The following ZNF407 variants were observed in gnomAD, a reference collection of about 807,000 sequenced individuals.
ZNF407 encodes the protein zinc finger protein 407.
In ZNF407, 17 loss-of-function variants were observed where a neutral mutation model predicts 131.2. The ratio of observed to expected loss-of-function variants is 0.13; its 90% CI spans 0.09 to 0.19. ZNF407 has a LOEUF of 0.19. Among genes scored for constraint, ZNF407 ranks in the 10% least tolerant of loss-of-function variants. The probability of loss-of-function intolerance (pLI) is 1.00; values close to 1 mark genes in which losing one functional copy is unlikely to be tolerated. For missense variants in ZNF407, 2,681 were observed against 2,830.6 expected (o/e 0.95, Z 1.20); for synonymous variants, 1,156 against 1,062.0 (o/e 1.09, Z -1.72).
At chr18:75,033,486 G>A (rs1973270150) in intron 8 of ZNF407, among the ~76,000 whole-genome samples, 1 of 152,194 alleles carries the variant, frequency 6.6e-6, no homozygotes, top group Admixed American at 6.5e-5. Flanking sequence ...AATAGACAGA[G>A]TGGTAACCTA....
intron 1 of ZNF407, among the ~76,000 whole-genome samples, chr18:74,620,542 T>G (rs1983469573): frequency 6.6e-6 from 1 of 152,222 alleles, no homozygotes; most frequent in Non-Finnish European, 1.5e-5. Context: ...ATGTGTGTCC[T>G]CTGGAATAGA....
chr18:74,635,461 A>G lies in ZNF407; in HGVS notation c.4442A>G (p.Glu1481Gly). The G allele has an allele frequency of 6.2e-7, 1 of 1,613,200 alleles. No individual in the cohort carries two copies. Among genetic ancestry groups the G allele is most frequent in the Non-Finnish European group, 8.5e-7 (1 of 1,179,476 alleles). Residue 1481 changes from glutamate (E) to glycine (G), a missense_variant, in exon 2 of 9, where the codon GAG becomes GGG. By Grantham distance (98) the Glu-to-Gly change is moderately conservative. Transcript: ENST00000299687. This position sits in a 1 kb window ranked among gnomAD's most constrained non-coding sequence, Gnocchi z 4.7. ...NEQASVEELP[E>G]GGATFKCVKC... Reference sequence around the variant, plus strand: ...CAGGCCAGTGTGGAGGAGCTTCCGGAGGGAGGGGCCACCTTTAAATGTGTC... The same window carrying G: ...CAGGCCAGTGTGGAGGAGCTTCCGGGGGGAGGGGCCACCTTTAAATGTGTC...
chr18:74,712,007 G>A (rs1001897052), intron 3 of ZNF407, among the ~76,000 whole-genome samples: 12 of 152,118 alleles, frequency 7.9e-5, no homozygotes, highest in African/African-American at 2.2e-4. Context: ...ACTGCCTCCC[G>A]CCCTTATTAG....
chr18:75,029,651 G>A lies in ZNF407; in HGVS notation c.5429-33499G>A, dbSNP rs966188987. On this transcript the variant is annotated intron_variant, in intron 8 of 8. Transcript: ENST00000299687. ...CGTGGGTGTGCGTGCGTGTGCATGC[G>A]CAGGGCATGCGCAGGGGCAGGAAGT... Among the ~76,000 whole-genome samples, 16 of 152,314 alleles carry A rather than the reference G, an allele frequency of 1.1e-4. No individual in the cohort carries two copies. In the East Asian group the frequency reaches 2.5e-3, roughly 24 times the overall value.
chr18:75,045,484 A>T (rs1973424719), intron 8 of ZNF407, among the ~76,000 whole-genome samples: 1 of 152,152 alleles, frequency 6.6e-6, no homozygotes, highest in Non-Finnish European at 1.5e-5. Context: ...TGCCCTGGAA[A>T]TGTGGCTAAA....
At chr18:75,032,824 G>T (rs1429594630) in intron 8 of ZNF407, among the ~76,000 whole-genome samples, 1 of 138,556 alleles carries the variant, frequency 7.2e-6, no homozygotes, top group African/African-American at 2.8e-5. Context: ...GGGGAAGACA[G>T]TATTAGATAA....
At chr18:74,639,353 T>A (rs992362827) in intron 2 of ZNF407, among the ~76,000 whole-genome samples, 12 of 152,228 alleles carry the variant, frequency 7.9e-5, no homozygotes, top group African/African-American at 2.7e-4. Flanking sequence ...ATATTATTGT[T>A]ACTTAATAAT....
intron 3 of ZNF407, among the ~76,000 whole-genome samples, chr18:74,688,603 C>G (rs941429490): frequency 2.6e-4 from 39 of 152,146 alleles, no homozygotes; most frequent in African/African-American, 9.2e-4. Flanking sequence ...TTGTCAAATT[C>G]AAGATCTCAT....
intron 1 of ZNF407, among the ~76,000 whole-genome samples, chr18:74,625,690 A>G (rs889844515): frequency 1.2e-4 from 18 of 152,382 alleles, no homozygotes; most frequent in African/African-American, 4.1e-4. Flanking sequence ...TCATTATCAC[A>G]TAACTTCACC....
At chr18:74,714,258 C>G (rs1008604897) in intron 3 of ZNF407, among the ~76,000 whole-genome samples, 2 of 152,188 alleles carry the variant, frequency 1.3e-5, no homozygotes. Context: ...CATAGCTCAG[C>G]AAAGTCACTT....
chr18:74,928,832 C>T (rs886431892), intron 8 of ZNF407, among the ~76,000 whole-genome samples: 3 of 151,984 alleles, frequency 2.0e-5, no homozygotes, highest in Non-Finnish European at 2.9e-5. Context: ...TCCCTTTGGC[C>T]GAGAAGGGGA....
chr18:75,035,802 T>C (rs1973301432), intron 8 of ZNF407, among the ~76,000 whole-genome samples: 1 of 152,210 alleles, frequency 6.6e-6, no homozygotes, highest in African/African-American at 2.4e-5. Context: ...TCTTGACTTC[T>C]GAGGATTCCA....
intron 3 of ZNF407, among the ~76,000 whole-genome samples, chr18:74,779,483 A>G (rs1276053173): frequency 6.6e-6 from 1 of 152,148 alleles, no homozygotes; most frequent in Admixed American, 6.5e-5. Context: ...AGCCAAATTT[A>G]AAGAATTAGT....
At chr18:74,928,921 G>T (rs1183379183) in intron 8 of ZNF407, among the ~76,000 whole-genome samples, 2 of 152,000 alleles carry the variant, frequency 1.3e-5, no homozygotes, top group Non-Finnish European at 2.9e-5. Flanking sequence ...TTTTAAAACT[G>T]TTTTTTTAAA....
chr18:74,955,538 CA>C (rs1260476259), intron 8 of ZNF407, among the ~76,000 whole-genome samples: 13 of 152,270 alleles, frequency 8.5e-5, no homozygotes, highest in African/African-American at 3.1e-4. Context: ...AACTTTGGCA[CA>C]ATCAGTATGT....
In ZNF407 at chr18:75,064,652, C is replaced by T; in HGVS notation, c.*184C>T. On this transcript the variant is annotated 3_prime_UTR_variant, in exon 9 of 9. Coordinates refer to ENST00000299687, the MANE Select transcript of ZNF407 (RefSeq NM_017757.3). ...CCAGCCAGGCGCCCACAGAGGGTAC[C>T]GTGGGCTGGGCCTCGGGGAGCAGGC... The T allele has an allele frequency of 1.8e-6, 1 of 555,752 alleles. No individual in the cohort carries two copies. Among genetic ancestry groups the T allele is most frequent in the East Asian group, 3.0e-5 (1 of 33,260 alleles). The allele number at this position is 555,752 out of a possible 1,614,324, so 34.4% of individuals were successfully genotyped here. A position where few individuals can be genotyped will look rare whatever the true frequency, so the allele number is the denominator to read the frequency against.
At chr18:74,953,517 A>G (rs4891207) in intron 8 of ZNF407, among the ~76,000 whole-genome samples, 19,701 of 151,920 alleles carry the variant, frequency 0.13, 1,552 homozygotes, top group Admixed American at 0.26. Flanking sequence ...CCAGATTGCT[A>G]ATTTCCCTTG....
chr18:74,901,249 T>C (rs1971520496), intron 7 of ZNF407, among the ~76,000 whole-genome samples: 2 of 152,200 alleles, frequency 1.3e-5, no homozygotes, highest in Non-Finnish European at 2.9e-5. Flanking sequence ...TTGTTGCTGC[T>C]TCGTTTCATT....
chr18:75,035,725 C>A (rs1181181710), intron 8 of ZNF407, among the ~76,000 whole-genome samples: 1 of 152,248 alleles, frequency 6.6e-6, no homozygotes. Flanking sequence ...AGTGAAATCT[C>A]ATGTGTATCT....
Sources: gnomAD v4.1 joint callset for allele counts (sites outside exome capture counted in the v4.1 genomes callset) on GRCh38, gnomAD v4.1.1 for gene constraint, Gnocchi (gnomAD v3.1) non-coding constraint, MANE v1.5 for transcripts, NCBI Gene and HGNC (gene_info 2026-07-23, HGNC 2026-07-21) for gene names.